ST18: variants seen among roughly 807,000 people sequenced by gnomAD.
ST18 encodes suppression of tumorigenicity 18 protein.
A neutral mutation model predicts 110.0 loss-of-function variants in ST18; 50 were observed. That is an observed-to-expected ratio of 0.45 (90% CI 0.36 to 0.58). The LOEUF (loss-of-function observed/expected upper bound fraction) is 0.58, where lower values mean the gene tolerates loss of function less well. Among genes scored for constraint, ST18 ranks in the 20% least tolerant of loss-of-function variants. The probability of loss-of-function intolerance (pLI) is 0.00; values close to 1 mark genes in which losing one functional copy is unlikely to be tolerated. For synonymous variants in ST18, 461 were observed against 452.4 expected (o/e 1.02, Z -0.24); for missense variants, 1,306 against 1,280.1 (o/e 1.02, Z -0.31).
chr8:52,137,317 C>A, intron 18 of ST18, 104 bp downstream of exon 18: 2 of 1,210,896 alleles, frequency 1.7e-6, no homozygotes, highest in Non-Finnish European at 1.2e-6. Flanking sequence ...ACCCAACCAA[C>A]TCATTTCCTG....
chr8:52,350,395 T>A (rs1480131718), intron 2 of ST18, among the ~76,000 whole-genome samples: 1 of 152,008 alleles, frequency 6.6e-6, no homozygotes, highest in Non-Finnish European at 1.5e-5. Context: ...TGTGTACAAA[T>A]ATGCAAGGTC....
intron 5 of ST18, among the ~76,000 whole-genome samples, chr8:52,219,162 C>T (rs1207070065): frequency 1.3e-5 from 2 of 152,028 alleles, no homozygotes; most frequent in Non-Finnish European, 2.9e-5. Context: ...TTTGGGGCAG[C>T]TCACAATGGG....
chr8:52,125,965 T>C (rs182459498), intron 23 of ST18, 87 bp downstream of exon 23: 158 of 959,164 alleles, frequency 1.6e-4, no homozygotes, highest in Admixed American at 7.4e-4. Flanking sequence ...GCTTCCCACC[T>C]AGAGAATACT....
intron 8 of ST18, among the ~76,000 whole-genome samples, chr8:52,187,286 T>C (rs1164481495): frequency 6.6e-6 from 1 of 152,222 alleles, no homozygotes; most frequent in Non-Finnish European, 1.5e-5. Flanking sequence ...CTTGTAATAA[T>C]ATCCTGAGGT....
chr8:52,156,948 C>T (rs1168991749), intron 15 of ST18, among the ~76,000 whole-genome samples: 2 of 152,198 alleles, frequency 1.3e-5, no homozygotes, highest in African/African-American at 4.8e-5. Flanking sequence ...ACCCTCGTCA[C>T]CACATCAATT....
intron 2 of ST18, among the ~76,000 whole-genome samples, chr8:52,328,826 T>C (rs551493699): frequency 1.3e-5 from 2 of 152,288 alleles, no homozygotes; most frequent in Non-Finnish European, 2.9e-5. Context: ...TGGATGAAAG[T>C]GTGCCAGGCC....
intron 2 of ST18, among the ~76,000 whole-genome samples, chr8:52,367,104 T>C (rs149209838): frequency 0.016 from 2,360 of 152,146 alleles, 57 homozygotes; most frequent in African/African-American, 0.053. Flanking sequence ...TGGTGGTGCA[T>C]GCCGGTAATC....
intron 2 of ST18, chr8:52,246,544 T>A (rs937966697): frequency 6.6e-6 from 1 of 152,188 alleles, no homozygotes; most frequent in Admixed American, 6.6e-5. Context: ...GCCAATTTAA[T>A]CACATATACT....
At chr8:52,141,961 A>G (rs1051959949) in intron 17 of ST18, among the ~76,000 whole-genome samples, 2 of 152,130 alleles carry the variant, frequency 1.3e-5, no homozygotes, top group Non-Finnish European at 2.9e-5. Context: ...GCTACACATG[A>G]GTCTAGAAGG....
intron 2 of ST18, among the ~76,000 whole-genome samples, chr8:52,343,692 G>A (rs576798756): frequency 6.6e-6 from 1 of 152,234 alleles, no homozygotes; most frequent in East Asian, 1.9e-4. Flanking sequence ...AACAATTTCT[G>A]ATACACAGAT....
chr8:52,159,702 A>T (rs1427095034), intron 14 of ST18, among the ~76,000 whole-genome samples: 1 of 152,184 alleles, frequency 6.6e-6, no homozygotes, highest in East Asian at 1.9e-4. Flanking sequence ...ATGAGCTGGC[A>T]TTTTGGCATA....
At chr8:52,357,693 A>T (rs867857456) in intron 2 of ST18, among the ~76,000 whole-genome samples, 1 of 52,270 alleles carries the variant, frequency 1.9e-5, no homozygotes, top group African/African-American at 1.2e-4. Context: ...ATATATATAT[A>T]TATATATATA....
intron 2 of ST18, among the ~76,000 whole-genome samples, chr8:52,369,471 T>C (rs73679082): frequency 5.9e-5 from 9 of 152,306 alleles, no homozygotes; most frequent in South Asian, 2.1e-4. Flanking sequence ...CTTGGTATTA[T>C]TGAGCAAAAA....
At chr8:52,359,005 T>A (rs1824440126) in intron 2 of ST18, among the ~76,000 whole-genome samples, 1 of 151,832 alleles carries the variant, frequency 6.6e-6, no homozygotes, top group Non-Finnish European at 1.5e-5. Context: ...TTTAATAACA[T>A]CATATTAAGA....
chr8:52,126,984 C>T (rs2047341129), intron 22 of ST18, among the ~76,000 whole-genome samples: 1 of 152,182 alleles, frequency 6.6e-6, no homozygotes, highest in Admixed American at 6.5e-5. Flanking sequence ...AATTCTTTTG[C>T]AATCTTGCTG....
intron 2 of ST18, among the ~76,000 whole-genome samples, chr8:52,375,051 C>T (rs982742320): frequency 3.7e-4 from 56 of 152,206 alleles, no homozygotes; most frequent in African/African-American, 1.3e-3. Flanking sequence ...AATCAATCCT[C>T]TTCAACTTGA....
At chr8:52,180,898 C>T (rs1168832268) in intron 8 of ST18, among the ~76,000 whole-genome samples, 4 of 152,220 alleles carry the variant, frequency 2.6e-5, no homozygotes, top group Non-Finnish European at 4.4e-5. Flanking sequence ...ACATGGCATT[C>T]TGCCTTCTGA....
intron 19 of ST18, among the ~76,000 whole-genome samples, chr8:52,134,740 A>G (rs1452681239): frequency 6.6e-6 from 1 of 152,170 alleles, no homozygotes; most frequent in Non-Finnish European, 1.5e-5. Context: ...AAAGTTTTAC[A>G]TGCTGGTCTT....
chr8:52,367,096 G>C (rs1223235652), intron 2 of ST18, among the ~76,000 whole-genome samples: 1 of 152,184 alleles, frequency 6.6e-6, no homozygotes, highest in Non-Finnish European at 1.5e-5. Context: ...GCTGGGCGTG[G>C]TGGTGCATGC....
Sources: allele counts gnomAD v4.1 joint callset (sites outside exome capture counted in the v4.1 genomes callset), GRCh38; gene constraint gnomAD v4.1.1; transcripts MANE v1.5; gene names NCBI Gene and HGNC (gene_info 2026-07-23, HGNC 2026-07-21).